CMIP: variants seen among roughly 807,000 people sequenced by gnomAD.
CMIP encodes C-Maf-inducing protein.
In CMIP, 13 loss-of-function variants were observed where a neutral mutation model predicts 97.3. The ratio of observed to expected loss-of-function variants is 0.13; its 90% CI spans 0.09 to 0.21. The LOEUF (loss-of-function observed/expected upper bound fraction) is 0.21, where lower values mean the gene tolerates loss of function less well. Ranked by LOEUF, CMIP falls within the 10% of genes least tolerant of loss-of-function variation. The pLI is 1.00. For synonymous variants in CMIP, 538 were observed against 436.3 expected (o/e 1.23, Z -2.91); for missense variants, 847 against 1,024.9 (o/e 0.83, Z 2.37).
At position 81,471,589 on chromosome 16, in the gene CMIP, A is replaced by ACG. The variant is rs1248303020; in HGVS notation, c.300+26049_300+26050insGC. Among the ~76,000 whole-genome samples the ACG allele has an allele frequency of 5.9e-5, 9 of 152,290 alleles. No homozygotes were observed. In the East Asian group the frequency reaches 1.7e-3, roughly 29 times the overall value. On this transcript the variant is annotated intron_variant, in intron 1 of 20. Coordinates refer to ENST00000537098, the MANE Select transcript of CMIP (RefSeq NM_198390.3). The stretch of plus-strand genomic sequence containing the variant: ...CATGCATACACAAATACACACACAC[A>ACG]CACAGTTATACAGTAGTCCACTCTC...
At chr16:81,657,590 TTC>T (rs754484043) in intron 4 of CMIP, among the ~76,000 whole-genome samples, 183 bp from the exon 5 acceptor site, 35 of 152,128 alleles carry the variant, frequency 2.3e-4, no homozygotes, top group South Asian at 4.1e-4. Context: ...AAACCATACC[TTC>T]TCCCCCTTCC....
chr16:81,504,253 G>A (rs1201764687), intron 1 of CMIP, among the ~76,000 whole-genome samples: 1 of 151,922 alleles, frequency 6.6e-6, no homozygotes, highest in Non-Finnish European at 1.5e-5. Context: ...TTGAACCCGG[G>A]AGGCAGAGGT....
chr16:81,650,008 G>C (rs2092408815), intron 3 of CMIP, among the ~76,000 whole-genome samples: 1 of 152,180 alleles, frequency 6.6e-6, no homozygotes, highest in Admixed American at 6.5e-5. Flanking sequence ...AGGACAGGGC[G>C]GCTTTGGTTG....
At chr16:81,447,626 C>T (rs1195753658) in intron 1 of CMIP, among the ~76,000 whole-genome samples, 1 of 152,178 alleles carries the variant, frequency 6.6e-6, no homozygotes, top group East Asian at 1.9e-4. Flanking sequence ...ATTCTCTTGG[C>T]AGAGCCATGC....
At chr16:81,605,654 C>G (rs952486059) in intron 1 of CMIP, among the ~76,000 whole-genome samples, 2 of 152,230 alleles carry the variant, frequency 1.3e-5, no homozygotes, top group African/African-American at 4.8e-5. Flanking sequence ...GCTGTTCCCA[C>G]CTCTGAGCCT....
In CMIP at chr16:81,621,222, G is replaced by T. The variant is rs1387833187; in HGVS notation, c.477+296G>T. ...GCTCTCAGAGTGAGGGCGACCCTGA[G>T]GGGAGTCCAGCCGGGGAGGCTGGAC... On this transcript the variant is annotated intron_variant, in intron 3 of 20. Transcript: ENST00000537098. The surrounding 1 kb of genome is among the most constrained non-coding windows in gnomAD (Gnocchi z 4.1). 3 of 266,564 alleles carry T rather than the reference G, an allele frequency of 1.1e-5. No homozygotes were observed. In the South Asian group the frequency reaches 2.2e-4, roughly 20 times the overall value. The allele number at this position is 266,564 out of a possible 1,614,324, so 16.5% of individuals were successfully genotyped here. A position where few individuals can be genotyped will look rare whatever the true frequency, so the allele number is the denominator to read the frequency against.
chr16:81,538,744 C>G (rs1454697534), intron 1 of CMIP, among the ~76,000 whole-genome samples: 1 of 152,072 alleles, frequency 6.6e-6, no homozygotes, highest in African/African-American at 2.4e-5. Context: ...TAGAAAAAGG[C>G]ATTAAGTTCA....
At chr16:81,582,586 C>G (rs2091313769) in intron 1 of CMIP, among the ~76,000 whole-genome samples, 1 of 152,068 alleles carries the variant, frequency 6.6e-6, no homozygotes, top group South Asian at 2.1e-4. Context: ...ATTCAGAGAC[C>G]ACTTTCCAGC....
rs1395073330 is a variant in CMIP at position 81,655,342 on chromosome 16, G to T, written c.640-2433G>T. 6.6e-6 allele frequency among the ~76,000 whole-genome samples: 1 copy of T among 152,148 alleles called. No individual in the cohort carries two copies. Among genetic ancestry groups the T allele is most frequent in the African/African-American group, 2.4e-5 (1 of 41,422 alleles). On this transcript the variant is annotated intron_variant, in intron 4 of 20. Coordinates refer to ENST00000537098, the MANE Select transcript of CMIP (RefSeq NM_198390.3). This position sits in a 1 kb window ranked among gnomAD's most constrained non-coding sequence, Gnocchi z 4.9. Reference sequence around the variant, plus strand: ...GGATCTGGAGGGAGCAGGCAGAGGGGCATCGTGGAGGGAGCTGCTAAGGAC... The same window carrying T: ...GGATCTGGAGGGAGCAGGCAGAGGGTCATCGTGGAGGGAGCTGCTAAGGAC...
chr16:81,582,803 C>T (rs1164802463), intron 1 of CMIP, among the ~76,000 whole-genome samples: 13 of 152,120 alleles, frequency 8.5e-5, no homozygotes, highest in Admixed American at 6.6e-5. Flanking sequence ...CTTTCATGAA[C>T]GGCGAGCGGA....
intron 1 of CMIP, among the ~76,000 whole-genome samples, chr16:81,474,635 C>G (rs1036602196): frequency 6.6e-5 from 10 of 152,224 alleles, no homozygotes; most frequent in African/African-American, 2.4e-4. Flanking sequence ...TGTCACCGCA[C>G]TTCTGTGGAA....
chr16:81,687,360 C>A (rs1905524736), intron 10 of CMIP, among the ~76,000 whole-genome samples: 1 of 152,194 alleles, frequency 6.6e-6, no homozygotes, highest in Non-Finnish European at 1.5e-5. Flanking sequence ...CCAGTGGCCA[C>A]CCCTCACTTT....
chr16:81,473,732 G>A (rs1461582100), intron 1 of CMIP, among the ~76,000 whole-genome samples: 1 of 151,714 alleles, frequency 6.6e-6, no homozygotes, highest in Non-Finnish European at 1.5e-5. Context: ...ACGCAGGGAC[G>A]CATTGAGCAG....
In CMIP at chr16:81,607,613, A is replaced by T; in HGVS notation, c.347A>T (p.Asp116Val). 6.2e-7 allele frequency: 1 copy of T among 1,613,982 alleles called. No homozygotes were observed. Among genetic ancestry groups the T allele is most frequent in the Non-Finnish European group, 8.5e-7 (1 of 1,179,876 alleles). The part of the protein sequence containing the change: ...ENSVSYSAIE[D>V]VQLLSWENAP... ...TCAGTCTCCTACAGCGCAATTGAAG[A>T]CGTTCAGCTGCTGTCCTGGGAGAAT... is the stretch of plus-strand genomic sequence containing the variant. The change falls in exon 2 of 21, where the codon GAC becomes GTC. Residue 116 changes from aspartate to valine, a missense_variant. This residue lies in a region of CMIP where 285 missense variants were observed against 392.2 expected (regional missense o/e 0.73). Coordinates refer to ENST00000537098, the MANE Select transcript of CMIP (RefSeq NM_198390.3).
chr16:81,484,747 T>C (rs920841672), intron 1 of CMIP, among the ~76,000 whole-genome samples: 7 of 152,204 alleles, frequency 4.6e-5, no homozygotes, highest in African/African-American at 1.7e-4. Flanking sequence ...GGCTGGAAGA[T>C]GCCAGGTGGG....
intron 15 of CMIP, 137 bp downstream of exon 15, chr16:81,699,938 T>A: frequency 1.6e-6 from 1 of 611,736 alleles, no homozygotes; most frequent in South Asian, 1.9e-5. Flanking sequence ...CCAGCCGTCC[T>A]GAGCTTAGTG....
At position 81,652,223 on chromosome 16, in the gene CMIP, G is replaced by A; in HGVS notation, c.498G>A (p.Lys166=). The change falls in exon 4 of 21, where the codon AAG becomes AAA. Residue 166 remains lysine, a synonymous_variant. Transcript: ENST00000537098. This position sits in a 1 kb window ranked among gnomAD's most constrained non-coding sequence, Gnocchi z 5.2. ...ACCAGAAAAAGATTTACAAATATAAGAAAGTGCTGAGTAACCCAAGCCGCT... is the reference window on the plus strand; with the variant it reads ...ACCAGAAAAAGATTTACAAATATAAAAAAGTGCTGAGTAACCCAAGCCGCT... ...LQWKKKIYKY[K]KVLSNPSRWE... 6.2e-7 allele frequency: 1 copy of A among 1,613,478 alleles called. No homozygotes were observed. The highest frequency in any genetic ancestry group is 8.5e-7 in the Non-Finnish European group (1 of 1,179,510).
At position 81,511,106 on chromosome 16, in the gene CMIP, C is replaced by G. The variant is rs187118198; in HGVS notation, c.300+65565C>G. 2.6e-4 allele frequency among the ~76,000 whole-genome samples: 39 copies of G among 152,262 alleles called. 1 individual carries two copies. The highest frequency in any genetic ancestry group is 9.1e-4 in the African/African-American group (38 of 41,532). ...TACTCATCATCTGCTTCAACAGTTC[C>G]CAGCTTATGATGAGTCTTGGGGTGT... On this transcript the variant is annotated intron_variant, in intron 1 of 20. Transcript: ENST00000537098.
At chr16:81,457,193 G>C (rs565326858) in intron 1 of CMIP, among the ~76,000 whole-genome samples, 1 of 152,002 alleles carries the variant, frequency 6.6e-6, no homozygotes, top group Non-Finnish European at 1.5e-5. Flanking sequence ...CCAGTCAGTG[G>C]TTTTCCAGGG....
Sources: allele counts gnomAD v4.1 joint callset (sites outside exome capture counted in the v4.1 genomes callset), GRCh38; gene constraint gnomAD v4.1.1; regional missense constraint gnomAD v4.1.1; non-coding constraint Gnocchi (gnomAD v3.1); transcripts MANE v1.5; gene names NCBI Gene and HGNC (gene_info 2026-07-23, HGNC 2026-07-21).